The following FLT1 variants were observed in gnomAD, a reference collection of about 807,000 sequenced individuals.
The protein encoded by FLT1 is vascular endothelial growth factor receptor 1.
In FLT1, 49 loss-of-function variants were observed where a neutral mutation model predicts 156.3. The observed-to-expected ratio is 0.31, with a 90% CI of 0.25 to 0.40. FLT1 has a LOEUF of 0.40. FLT1 is among the 10% of genes least tolerant of loss of function. The probability of loss-of-function intolerance (pLI) is 1.00; values close to 1 mark genes in which losing one functional copy is unlikely to be tolerated. For synonymous variants in FLT1, 594 were observed against 583.8 expected (o/e 1.02, Z -0.25); for missense variants, 1,322 against 1,637.2 (o/e 0.81, Z 3.32).
In FLT1 at chr13:28,309,543, ATTT is replaced by A. The variant is rs1473322465; in HGVS notation, c.3636-619_3636-617del. On this transcript the variant is annotated intron_variant, in intron 27 of 29. Coordinates refer to ENST00000282397, the MANE Select transcript of FLT1 (RefSeq NM_002019.4). Reference sequence around the variant, plus strand: ...CAAGGCAAGTTCACCTACTGACTGAATTTCTCAGTCCCATACTCTGTCACTCTC... The same window carrying A: ...CAAGGCAAGTTCACCTACTGACTGAACTCAGTCCCATACTCTGTCACTCTC... 2.0e-5 allele frequency among the ~76,000 whole-genome samples: 3 copies of A among 152,044 alleles called. No individual in the cohort carries two copies. The East Asian group carries it at 5.8e-4, about 29-fold the overall frequency.
intron 18 of FLT1, among the ~76,000 whole-genome samples, chr13:28,330,020 C>A (rs903069921): frequency 6.6e-6 from 1 of 152,252 alleles, no homozygotes; most frequent in Non-Finnish European, 1.5e-5. Flanking sequence ...CTGGGCACCT[C>A]GTGAAAGTGC....
intron 10 of FLT1, among the ~76,000 whole-genome samples, chr13:28,419,113 G>T (rs1413627965): frequency 2.0e-5 from 3 of 152,158 alleles, no homozygotes; most frequent in Admixed American, 1.3e-4. Context: ...GTCCTAGGAG[G>T]CTTCTAGAGA....
intron 8 of FLT1, 127 bp downstream of exon 8, chr13:28,429,923 T>A (rs1877573601): frequency 1.3e-6 from 1 of 777,396 alleles, no homozygotes; most frequent in African/African-American, 1.7e-5. Flanking sequence ...TACAGAGTTC[T>A]GAGCTCTCTG....
intron 3 of FLT1, among the ~76,000 whole-genome samples, chr13:28,457,024 T>C (rs1047559489): frequency 6.6e-6 from 1 of 152,196 alleles, no homozygotes; most frequent in East Asian, 1.9e-4. Context: ...TGTCTCACTG[T>C]AGGTTCATTA....
At chr13:28,388,686 T>C in intron 13 of FLT1, 1 of 1,056,434 alleles carries the variant, frequency 9.5e-7, no homozygotes, top group Middle Eastern at 4.3e-4. Context: ...CCTATTAACA[T>C]TTGCATATGG....
chr13:28,459,359 C>T (rs530418718), intron 3 of FLT1, among the ~76,000 whole-genome samples: 185 of 152,266 alleles, frequency 1.2e-3, no homozygotes, highest in African/African-American at 3.6e-3. Flanking sequence ...GGTGGGAACC[C>T]TAGACAATTC....
At position 28,433,890 on chromosome 13, in the gene FLT1, G is replaced by A. The variant is rs1877857869; in HGVS notation, c.742C>T (p.Leu248Phe). 1.2e-6 allele frequency: 2 copies of A among 1,612,878 alleles called. No homozygotes were observed. Residue 248 changes from leucine to phenylalanine, a missense_variant, in exon 6 of 30, where the codon CTT becomes TTT. By Grantham distance (22) the Leu-to-Phe change is conservative (BLOSUM62 0). Transcript: ENST00000282397. ...RPVKLLRGHT[L>F]VLNCTATTPL... ...GTGGTAGCAGTACAATTGAGGACAA[G>A]AGTATGGCCTCTAAGTAATTTGACT...
rs1211153083 is a variant in FLT1, at chr13:28,319,508, A to G, written c.3201T>C (p.Ala1067=). ...AGATTTTGTCAAAGATAGATTCAGG[A>G]GCCATCCATTTCAGAGGAAGTCGAG... ...GDTRLPLKWM[A]PESIFDKIYS... Residue 1067 remains alanine (A), a synonymous_variant, in exon 24 of 30, where the codon GCT becomes GCC. Coordinates refer to ENST00000282397, the MANE Select transcript of FLT1 (RefSeq NM_002019.4). The G allele has an allele frequency of 6.2e-7, 1 of 1,613,612 alleles. No homozygotes were observed. Among genetic ancestry groups the G allele is most frequent in the Non-Finnish European group, 8.5e-7 (1 of 1,179,574 alleles).
rs559626902 is a variant in FLT1 at position 28,428,967 on chromosome 13, TG to T, written c.1107-1047del. ...TACAACAAGTCAGCATTTTTGACGG[TG>T]GATTGAATTTTTTTTTAATGCCCTT... On this transcript the variant is annotated intron_variant, in intron 8 of 29. Coordinates refer to ENST00000282397, the MANE Select transcript of FLT1 (RefSeq NM_002019.4). Among the ~76,000 whole-genome samples the T allele has an allele frequency of 1.6e-3, 240 of 152,208 alleles. 1 individual carries two copies. The highest frequency in any genetic ancestry group is 5.5e-3 in the African/African-American group (228 of 41,526).
chr13:28,430,842 G>C (rs569905444), intron 7 of FLT1, among the ~76,000 whole-genome samples: 25 of 152,124 alleles, frequency 1.6e-4, no homozygotes, highest in Non-Finnish European at 3.2e-4. Flanking sequence ...ATCTTTTTCT[G>C]TTTTGTTTAT....
In FLT1 at chr13:28,306,746, C is replaced by T; in HGVS notation, c.3747G>A (p.Leu1249=). The change falls in exon 29 of 30, where the codon CTG becomes CTA. Residue 1249 remains leucine, a synonymous_variant. Coordinates refer to ENST00000282397, the MANE Select transcript of FLT1 (RefSeq NM_002019.4). ...FDDYQGDSST[L]LASPMLKRFT... Reference sequence around the variant, plus strand: ...AGCGCTTCAGCATGGGAGAGGCCAACAGAGTGCTGCTGTCGCCCTGGTAGT... The same window carrying T: ...AGCGCTTCAGCATGGGAGAGGCCAATAGAGTGCTGCTGTCGCCCTGGTAGT... 1 of 1,613,828 alleles carries T rather than the reference C, an allele frequency of 6.2e-7. No homozygotes were observed. Among genetic ancestry groups the T allele is most frequent in the Non-Finnish European group, 8.5e-7 (1 of 1,179,754 alleles).
At position 28,439,962 on chromosome 13, in the gene FLT1, C is replaced by G. The variant is rs1291971299; in HGVS notation, c.389-1617G>C. 1.3e-5 allele frequency among the ~76,000 whole-genome samples: 2 copies of G among 152,190 alleles called. No homozygotes were observed. The highest frequency in any genetic ancestry group is 4.8e-5 in the African/African-American group (2 of 41,468). ...GCTGAAGATGGGATAGTTTTCTGCACAGCAGTGTGGAATGGAGGCACAGAT... is the reference window on the plus strand; with the variant it reads ...GCTGAAGATGGGATAGTTTTCTGCAGAGCAGTGTGGAATGGAGGCACAGAT... On this transcript the variant is annotated intron_variant, in intron 3 of 29. Coordinates refer to ENST00000282397, the MANE Select transcript of FLT1 (RefSeq NM_002019.4). The surrounding 1 kb of genome is among the most constrained non-coding windows in gnomAD (Gnocchi z 4.1).
chr13:28,386,975 G>A, intron 13 of FLT1: 9 of 1,042,668 alleles, frequency 8.6e-6, no homozygotes, highest in African/African-American at 1.7e-5. Context: ...TGAATACAGA[G>A]CCCACAACAC....
intron 14 of FLT1, among the ~76,000 whole-genome samples, chr13:28,380,353 G>T (rs1424736544): frequency 3.9e-5 from 6 of 152,190 alleles, no homozygotes; most frequent in African/African-American, 1.2e-4. Context: ...CATCGTCATG[G>T]AGCATATTGC....
chr13:28,382,584 T>C (rs1415377120), intron 14 of FLT1, among the ~76,000 whole-genome samples: 1 of 151,996 alleles, frequency 6.6e-6, no homozygotes, highest in East Asian at 1.9e-4. Context: ...CAAAGAGAGA[T>C]AGGGAGACAA....
chr13:28,429,073 G>C (rs1032459486), intron 8 of FLT1, among the ~76,000 whole-genome samples: 1 of 152,052 alleles, frequency 6.6e-6, no homozygotes, highest in African/African-American at 2.4e-5. Context: ...ACCTCCTGGA[G>C]TCATCAGATT....
intron 10 of FLT1, among the ~76,000 whole-genome samples, chr13:28,413,274 A>T (rs1480383886): frequency 2.0e-5 from 3 of 151,862 alleles, no homozygotes; most frequent in African/African-American, 4.8e-5. Context: ...GTCCATTCAC[A>T]CTCAGAACAT....
At chr13:28,321,701 G>C in intron 22 of FLT1, 116 bp from the exon 23 acceptor site, 1 of 1,014,228 alleles carries the variant, frequency 9.9e-7, no homozygotes, top group South Asian at 1.3e-5. Context: ...TGTGAAGGGA[G>C]CACCTCTCGG....
At position 28,303,266 on chromosome 13, in the gene FLT1, C is replaced by T. The variant is rs1241092161; in HGVS notation, c.3918G>A (p.Arg1306=). ...CCAGCTCAGCGTGGTCGTAGGTGAA[C>T]CTGCGCTTGCCTTCGCTGACGTGCC... is the stretch of plus-strand genomic sequence containing the variant. The part of the protein sequence containing the change: ...SCGHVSEGKR[R]FTYDHAELER... The change falls in exon 30 of 30, where the codon AGG becomes AGA. Residue 1306 remains arginine, a synonymous_variant. Coordinates refer to ENST00000282397, the MANE Select transcript of FLT1 (RefSeq NM_002019.4). The T allele has an allele frequency of 8.7e-6, 14 of 1,613,862 alleles. No individual in the cohort carries two copies. The highest frequency in any genetic ancestry group is 1.2e-5 in the Non-Finnish European group (14 of 1,180,036).
Sources: gnomAD v4.1 joint callset for allele counts (sites outside exome capture counted in the v4.1 genomes callset) on GRCh38, gnomAD v4.1.1 for gene constraint, Gnocchi (gnomAD v3.1) non-coding constraint, MANE v1.5 for transcripts, NCBI Gene and HGNC (gene_info 2026-07-23, HGNC 2026-07-21) for gene names.